CD226: variants seen among roughly 807,000 people sequenced by gnomAD.
CD226 encodes CD226 molecule.
In CD226, 24 loss-of-function variants were observed where a neutral mutation model predicts 34.9. That is an observed-to-expected ratio of 0.69 (90% CI 0.50 to 0.97). The LOEUF is 0.97. CD226 is among the 50% of genes least tolerant of loss of function. The pLI is 0.00. For synonymous variants in CD226, 148 were observed against 147.4 expected (o/e 1.00, Z -0.03); for missense variants, 397 against 412.7 (o/e 0.96, Z 0.33).
Position 69,862,288 on chromosome 18 carries a change from T to C in CD226, c.*2026A>G, listed in dbSNP as rs753911211. On this transcript the variant is annotated 3_prime_UTR_variant, in exon 6 of 6. Transcript: ENST00000582621. The stretch of plus-strand genomic sequence containing the variant: ...ACACTAATCATTGAGAATTTGGTTA[T>C]TGGAGTTTTCCAGAAAGTAATATTT... 1 of 152,186 alleles carries C rather than the reference T, an allele frequency of 6.6e-6. No homozygotes were observed. The highest frequency in any genetic ancestry group is 1.5e-5 in the Non-Finnish European group (1 of 67,996). The allele number at this position is 152,186 out of a possible 1,614,324, so 9.4% of individuals were successfully genotyped here.
At chr18:69,918,599 G>A (rs2055414120) in intron 2 of CD226, among the ~76,000 whole-genome samples, 1 of 152,098 alleles carries the variant, frequency 6.6e-6, no homozygotes, top group African/African-American at 2.4e-5. Context: ...AGGATAGAGT[G>A]GATAATACCT....
At chr18:69,927,613 T>C (rs978998473) in intron 2 of CD226, among the ~76,000 whole-genome samples, 1 of 152,192 alleles carries the variant, frequency 6.6e-6, no homozygotes, top group African/African-American at 2.4e-5. Flanking sequence ...GTACCTCATA[T>C]AAGTGGAATC....
intron 2 of CD226, among the ~76,000 whole-genome samples, chr18:69,897,558 AT>A (rs1985369428): frequency 6.6e-6 from 1 of 152,152 alleles, no homozygotes; most frequent in African/African-American, 2.4e-5. Context: ...CACTTCAACT[AT>A]GTGACAGTTT....
chr18:69,907,782 C>T (rs888311229), intron 2 of CD226, among the ~76,000 whole-genome samples: 6 of 152,000 alleles, frequency 3.9e-5, no homozygotes, highest in Admixed American at 2.0e-4. Context: ...TTTTGAGCTC[C>T]GTCACACAGC....
intron 2 of CD226, among the ~76,000 whole-genome samples, chr18:69,911,357 T>C (rs2055322257): frequency 6.6e-6 from 1 of 152,182 alleles, no homozygotes. Context: ...CTGACATTTA[T>C]CCAACTAGAA....
chr18:69,924,339 G>A (rs538222582), intron 2 of CD226, among the ~76,000 whole-genome samples: 8 of 152,028 alleles, frequency 5.3e-5, no homozygotes, highest in East Asian at 3.9e-4. Context: ...ATTGCATTGC[G>A]GAATGAAATA....
intron 2 of CD226, among the ~76,000 whole-genome samples, chr18:69,905,478 C>G (rs954745121): frequency 6.6e-6 from 1 of 152,078 alleles, no homozygotes; most frequent in Admixed American, 6.6e-5. Context: ...GAGAGGAGAG[C>G]CCAGAACTAG....
At chr18:69,880,557 A>G (rs894455160) in intron 3 of CD226, among the ~76,000 whole-genome samples, 1 of 152,156 alleles carries the variant, frequency 6.6e-6, no homozygotes, top group Non-Finnish European at 1.5e-5. Flanking sequence ...GATGGTTACC[A>G]GAGGCTGTGC....
At chr18:69,871,603 G>A (rs763861835) in intron 4 of CD226, among the ~76,000 whole-genome samples, 25 of 152,208 alleles carry the variant, frequency 1.6e-4, no homozygotes, top group Non-Finnish European at 3.2e-4. Flanking sequence ...ACAGTACAGA[G>A]CTCACAGAGG....
chr18:69,867,860 T>C (rs1011272411), intron 4 of CD226, among the ~76,000 whole-genome samples: 25 of 152,242 alleles, frequency 1.6e-4, no homozygotes, highest in African/African-American at 5.5e-4. Flanking sequence ...GTATGGATTA[T>C]TTTATTAAAT....
chr18:69,892,388 G>A (rs1046459298), intron 3 of CD226, among the ~76,000 whole-genome samples: 1 of 152,014 alleles, frequency 6.6e-6, no homozygotes, highest in Non-Finnish European at 1.5e-5. Flanking sequence ...GGATGTTAAG[G>A]GCCAAAAATA....
chr18:69,930,874 C>T (rs1568199496), intron 2 of CD226, among the ~76,000 whole-genome samples: 4 of 152,168 alleles, frequency 2.6e-5, no homozygotes, highest in Admixed American at 2.6e-4. Context: ...TCATGTTAGA[C>T]TTCAGAGAAT....
chr18:69,907,429 T>G (rs1355352787), intron 2 of CD226, among the ~76,000 whole-genome samples: 1 of 152,164 alleles, frequency 6.6e-6, no homozygotes, highest in East Asian at 1.9e-4. Context: ...TGCCTCAGCC[T>G]CCCGAGTAAC....
chr18:69,945,146 G>T (rs73464791), intron 2 of CD226, among the ~76,000 whole-genome samples: 4,785 of 152,252 alleles, frequency 0.031, 93 homozygotes, highest in African/African-American at 0.05. Context: ...AATATTCCCT[G>T]CTTTAGATTG....
intron 2 of CD226, among the ~76,000 whole-genome samples, chr18:69,928,139 AC>A (rs2055545815): frequency 6.6e-6 from 1 of 152,208 alleles, no homozygotes; most frequent in South Asian, 2.1e-4. Context: ...TGAGCTATAA[AC>A]CTTTGTTCCC....
At chr18:69,878,235 C>T (rs1177255189) in intron 3 of CD226, among the ~76,000 whole-genome samples, 1 of 152,016 alleles carries the variant, frequency 6.6e-6, no homozygotes, top group Admixed American at 6.6e-5. Flanking sequence ...CACTTATATC[C>T]CAATGCTGTG....
intron 3 of CD226, among the ~76,000 whole-genome samples, chr18:69,890,491 T>C (rs955370468): frequency 2.6e-5 from 4 of 151,972 alleles, no homozygotes; most frequent in African/African-American, 9.7e-5. Flanking sequence ...TAGATGGAAG[T>C]TAATAAGTCA....
In CD226 at chr18:69,883,236, A is replaced by T. The variant is rs1599391006; in HGVS notation, c.728-9990T>A. On this transcript the variant is annotated intron_variant, in intron 3 of 5. Transcript: ENST00000582621. ...TCTTGGGAATCTGGCTTCCTGTCAT[A>T]ACAGAAGTTATTTTTTAACTTTAAC... 2.0e-5 allele frequency among the ~76,000 whole-genome samples: 3 copies of T among 152,304 alleles called. No individual in the cohort carries two copies. In the East Asian group the frequency reaches 5.8e-4, roughly 29 times the overall value.
At chr18:69,890,902 AC>A (rs1217849642) in intron 3 of CD226, among the ~76,000 whole-genome samples, 3 of 152,044 alleles carry the variant, frequency 2.0e-5, no homozygotes, top group African/African-American at 7.3e-5. Context: ...AAACAGTTCT[AC>A]ATTATCATGT....
Sources: gnomAD v4.1 joint callset for allele counts (sites outside exome capture counted in the v4.1 genomes callset) on GRCh38, gnomAD v4.1.1 for gene constraint, MANE v1.5 for transcripts, NCBI Gene and HGNC (gene_info 2026-07-23, HGNC 2026-07-21) for gene names.